RUFY3: variants seen among roughly 807,000 people sequenced by gnomAD.
The protein encoded by RUFY3 is protein RUFY3.
A neutral mutation model predicts 84.0 loss-of-function variants in RUFY3; 34 were observed. The ratio of observed to expected loss-of-function variants is 0.40; its 90% CI spans 0.31 to 0.54. RUFY3 has a LOEUF of 0.54. Ranked by LOEUF, RUFY3 falls within the 20% of genes least tolerant of loss-of-function variation. RUFY3 has a pLI of 0.39. For missense variants in RUFY3, 507 were observed against 736.8 expected, an observed-to-expected ratio of 0.69 and a Z score of 3.61; for synonymous variants, 242 against 252.9, an observed-to-expected ratio of 0.96 and a Z score of 0.41.
chr4:70,784,089 A>G (rs147438931), intron 9 of RUFY3, among the ~76,000 whole-genome samples: 2 of 152,198 alleles, frequency 1.3e-5, no homozygotes, highest in Non-Finnish European at 2.9e-5. Context: ...TGCTCAGAAT[A>G]ATTTTTTTAT....
At chr4:70,756,545 A>G (rs1724050580) in intron 1 of RUFY3, among the ~76,000 whole-genome samples, 3 of 152,060 alleles carry the variant, frequency 2.0e-5, no homozygotes, top group Admixed American at 2.0e-4. Context: ...ATGTTCTTCC[A>G]TACTTCTGTA....
intron 1 of RUFY3, among the ~76,000 whole-genome samples, chr4:70,710,587 T>C (rs976935329): frequency 2.6e-5 from 4 of 152,052 alleles, no homozygotes; most frequent in African/African-American, 9.7e-5. Flanking sequence ...GGAGAATCAC[T>C]TGAACCCGGG....
chr4:70,745,489 A>G (rs898360311), intron 1 of RUFY3, among the ~76,000 whole-genome samples: 1 of 152,208 alleles, frequency 6.6e-6, no homozygotes, highest in African/African-American at 2.4e-5. Context: ...TTCAATAAAT[A>G]TCGGATTTCT....
At chr4:70,803,028 G>A in intron 16 of RUFY3, 45 bp downstream of exon 16, 1 of 1,520,306 alleles carries the variant, frequency 6.6e-7, no homozygotes, top group East Asian at 2.3e-5. Context: ...GAATTATGAA[G>A]TTGGTTGTAC....
At chr4:70,729,885 A>T (rs1165030550) in intron 1 of RUFY3, among the ~76,000 whole-genome samples, 2,947 of 152,066 alleles carry the variant, frequency 0.019, 110 homozygotes, top group African/African-American at 0.067. Flanking sequence ...TAATTGATTA[A>T]AAATCCACAA....
exon 1 of RUFY3, chr4:70,705,237 T>G (rs958871618): frequency 1.4e-6 from 2 of 1,459,640 alleles, no homozygotes; most frequent in Non-Finnish European, 1.8e-6. Context: ...ACCGCTGCCC[T>G]TCCTGCTGCT....
chr4:70,743,578 C>CT (rs926556054), intron 1 of RUFY3, among the ~76,000 whole-genome samples: 7 of 151,702 alleles, frequency 4.6e-5, no homozygotes, highest in African/African-American at 9.7e-5. Context: ...AGTCAGACTC[C>CT]TTTTTTTTAA....
chr4:70,768,457 A>G, intron 4 of RUFY3, 81 bp from the exon 5 acceptor site: 3 of 1,350,982 alleles, frequency 2.2e-6, no homozygotes, highest in Non-Finnish European at 3.1e-6. Context: ...TGATTCAACC[A>G]TGAATCAACC....
exon 1 of RUFY3, chr4:70,705,009 T>A: frequency 8.2e-7 from 1 of 1,220,700 alleles, no homozygotes; most frequent in Non-Finnish European, 1.0e-6. Flanking sequence ...GGGCGGGGAG[T>A]GGCGGCCGGA....
intron 1 of RUFY3, among the ~76,000 whole-genome samples, chr4:70,724,058 C>T (rs540463595): frequency 3.3e-5 from 5 of 152,270 alleles, no homozygotes; most frequent in Non-Finnish European, 7.4e-5. Context: ...CTTTCTTTGG[C>T]TGTATGTTTC....
intron 1 of RUFY3, among the ~76,000 whole-genome samples, chr4:70,726,600 C>G (rs896952496): frequency 1.3e-5 from 2 of 152,178 alleles, no homozygotes; most frequent in African/African-American, 2.4e-5. Flanking sequence ...CTCGAACTCC[C>G]GACCTCAGGT....
chr4:70,805,456 G>A (rs1732738132), intron 17 of RUFY3, among the ~76,000 whole-genome samples: 2 of 152,172 alleles, frequency 1.3e-5, no homozygotes, highest in Non-Finnish European at 1.5e-5. Flanking sequence ...GAAAAGTTAT[G>A]TACAAATGAG....
chr4:70,793,980 A>T, intron 13 of RUFY3, 76 bp downstream of exon 13: 1 of 1,528,680 alleles, frequency 6.5e-7, no homozygotes, highest in South Asian at 1.2e-5. Context: ...AAGGGGTCTC[A>T]TGACTTCCAG....
chr4:70,801,923 G>T (rs1040249370), intron 15 of RUFY3, among the ~76,000 whole-genome samples: 2 of 152,236 alleles, frequency 1.3e-5, no homozygotes, highest in South Asian at 4.1e-4. Flanking sequence ...GCAACCAGGA[G>T]TGTCTTAAAT....
chr4:70,731,103 T>C (rs2148613276), intron 1 of RUFY3, among the ~76,000 whole-genome samples: 1 of 152,028 alleles, frequency 6.6e-6, no homozygotes, highest in South Asian at 2.1e-4. Flanking sequence ...AGCTGCGCGA[T>C]TTCGGCTCAC....
At position 70,706,680 on chromosome 4, in the gene RUFY3, T is replaced by G. The variant is rs562378345; in HGVS notation, c.358+1386T>G. Among the ~76,000 whole-genome samples the G allele has an allele frequency of 4.6e-5, 7 of 152,320 alleles. No homozygotes were observed. The South Asian group carries it at 1.2e-3, about 27-fold the overall frequency. ...CCAGTGTTCACACCTCCTTATTACT[T>G]ACTGAGTAATAAGTCAGTGGGCAGA... On this transcript the variant is annotated intron_variant, in intron 1 of 11. Transcript: ENST00000417478.
Position 70,787,447 on chromosome 4 carries a change from G to A in RUFY3, c.1072-1359G>A, listed in dbSNP as rs182505705. ...TAATTTTTGTATTTTAGTAGAGATG[G>A]GGTTTCACCATGTTGGCCAGGCTGG... On this transcript the variant is annotated intron_variant, in intron 10 of 17. Transcript: ENST00000381006. Among the ~76,000 whole-genome samples the A allele has an allele frequency of 5.4e-3, 814 of 151,196 alleles. 3 individuals carry two copies. Among genetic ancestry groups the A allele is most frequent in the Non-Finnish European group, 8.8e-3 (599 of 67,824 alleles).
intron 1 of RUFY3, among the ~76,000 whole-genome samples, chr4:70,715,755 T>C (rs1741507207): frequency 6.6e-6 from 1 of 152,098 alleles, no homozygotes; most frequent in Admixed American, 6.6e-5. Context: ...TTGACAAATT[T>C]TAGGAAGAAG....
At chr4:70,767,181 G>T (rs1301596477) in intron 4 of RUFY3, among the ~76,000 whole-genome samples, 1 of 151,098 alleles carries the variant, frequency 6.6e-6, no homozygotes, top group Non-Finnish European at 1.5e-5. Context: ...CGCCTCCCAG[G>T]TTCAAGTGAT....
Sources: gnomAD v4.1 joint callset for allele counts (sites outside exome capture counted in the v4.1 genomes callset) on GRCh38, gnomAD v4.1.1 for gene constraint, MANE v1.5 for transcripts, NCBI Gene and HGNC (gene_info 2026-07-23, HGNC 2026-07-21) for gene names.